MAGI2: variants seen among roughly 807,000 people sequenced by gnomAD.
The protein encoded by MAGI2 is membrane associated guanylate kinase, WW and PDZ domain containing 2.
MAGI2 carries 35 observed loss-of-function variants against 133.3 expected under a neutral mutation model. The observed-to-expected ratio is 0.26, with a 90% CI of 0.20 to 0.35. The LOEUF (loss-of-function observed/expected upper bound fraction) is 0.35. Ranked by LOEUF, MAGI2 falls within the 10% of genes least tolerant of loss-of-function variation. The pLI, the probability that MAGI2 is intolerant of heterozygous loss-of-function variation, is 1.00. For synonymous variants in MAGI2, 729 were observed against 710.6 expected (o/e 1.03, Z -0.41); for missense variants, 1,636 against 1,863.4 (o/e 0.88, Z 2.25).
chr7:78,226,162 T>G (rs1427443984), intron 10 of MAGI2, among the ~76,000 whole-genome samples: 5 of 152,184 alleles, frequency 3.3e-5, no homozygotes, highest in South Asian at 2.1e-4. Flanking sequence ...TTTTATGTCT[T>G]TCTTTGAGCA....
intron 2 of MAGI2, among the ~76,000 whole-genome samples, chr7:78,862,880 A>G (rs1042612077): frequency 3.9e-5 from 6 of 152,246 alleles, no homozygotes; most frequent in African/African-American, 4.8e-5. Context: ...TAAAGAAGTT[A>G]TTTTAATATG....
At chr7:78,620,044 G>T (rs1470925817) in intron 3 of MAGI2, among the ~76,000 whole-genome samples, 3 of 151,872 alleles carry the variant, frequency 2.0e-5, no homozygotes, top group African/African-American at 4.8e-5. Context: ...TGTTATGAAG[G>T]TTATTACTTA....
chr7:78,403,867 G>A (rs1270306374), intron 6 of MAGI2, among the ~76,000 whole-genome samples: 1 of 152,182 alleles, frequency 6.6e-6, no homozygotes, highest in Non-Finnish European at 1.5e-5. Flanking sequence ...AAAAGAGGAA[G>A]TCAAATTGTC....
At chr7:79,112,618 T>C (rs1186352440) in intron 1 of MAGI2, among the ~76,000 whole-genome samples, 3 of 152,226 alleles carry the variant, frequency 2.0e-5, no homozygotes, top group Non-Finnish European at 4.4e-5. Flanking sequence ...TTACCATCTA[T>C]GTCACACAAT....
chr7:78,610,442 A>G (rs1269823627), intron 3 of MAGI2, among the ~76,000 whole-genome samples: 1 of 152,154 alleles, frequency 6.6e-6, no homozygotes, highest in Non-Finnish European at 1.5e-5. Flanking sequence ...CTTTACAGGG[A>G]ACACAGTGGA....
intron 2 of MAGI2, among the ~76,000 whole-genome samples, chr7:78,872,044 T>C (rs1261112661): frequency 6.6e-6 from 1 of 151,958 alleles, no homozygotes; most frequent in Non-Finnish European, 1.5e-5. Context: ...CTTTTTTTTT[T>C]CTTTCAGTTA....
At chr7:79,186,191 AATATATATATATATATATATATAT>A (rs60719172) in intron 1 of MAGI2, among the ~76,000 whole-genome samples, 3,450 of 111,766 alleles carry the variant, frequency 0.031, 102 homozygotes, top group South Asian at 0.042. Flanking sequence ...TGCCTGGGAA[AATATATATATATATATATATATAT>A]ATATATATAT....
At chr7:78,093,820 C>T (rs996204858) in intron 20 of MAGI2, among the ~76,000 whole-genome samples, 8 of 152,068 alleles carry the variant, frequency 5.3e-5, no homozygotes, top group Admixed American at 2.6e-4. Context: ...GAGCTTGTTA[C>T]GGAGTTGTGA....
intron 9 of MAGI2, among the ~76,000 whole-genome samples, chr7:78,262,458 T>A (rs1793605951): frequency 6.6e-6 from 1 of 152,144 alleles, no homozygotes. Flanking sequence ...TCATCTTCCA[T>A]ACCATACACT....
rs372772529 is a variant in MAGI2, at chr7:78,058,626, C to T, written c.3706+20321G>A. Among the ~76,000 whole-genome samples, 622 of 152,196 alleles carry T rather than the reference C, an allele frequency of 4.1e-3. 2 individuals carry two copies. The highest frequency in any genetic ancestry group is 0.014 in the African/African-American group (589 of 41,524). On this transcript the variant is annotated intron_variant, in intron 21 of 21. Coordinates refer to ENST00000354212, the MANE Select transcript of MAGI2 (RefSeq NM_012301.4). ...AGCTGGGACTACAGGCGCCTGCCAC[C>T]ACGCCCAGCTAATTGTAATCCCAAA...
At chr7:79,376,816 T>TTGTGTGTGTGTGTGTGTGTGTGTGTG (rs140364258) in intron 1 of MAGI2, among the ~76,000 whole-genome samples, 1 of 79,874 alleles carries the variant, frequency 1.3e-5, no homozygotes, top group African/African-American at 5.3e-5. Context: ...AAGAGAGGAT[T>TTGTGTGTGTGTGTGTGTGTGTGTGTG]TGTGTGTGTG....
intron 3 of MAGI2, among the ~76,000 whole-genome samples, chr7:78,531,187 T>C (rs1584517214): frequency 6.6e-6 from 1 of 152,106 alleles, no homozygotes; most frequent in African/African-American, 2.4e-5. Flanking sequence ...CCTTTTGCAA[T>C]TGTGTTATTA....
At chr7:78,449,032 G>T (rs577228497) in intron 6 of MAGI2, among the ~76,000 whole-genome samples, 1 of 152,162 alleles carries the variant, frequency 6.6e-6, no homozygotes, top group East Asian at 1.9e-4. Flanking sequence ...TCAATCTGAT[G>T]GTTACTAGGA....
At chr7:78,507,538 AC>A (rs1354673569) in intron 4 of MAGI2, among the ~76,000 whole-genome samples, 4 of 152,052 alleles carry the variant, frequency 2.6e-5, no homozygotes, top group African/African-American at 9.7e-5. Flanking sequence ...CAAATTCAGT[AC>A]TCTCCTAGAC....
intron 6 of MAGI2, among the ~76,000 whole-genome samples, chr7:78,397,606 G>T (rs1461081939): frequency 6.6e-6 from 1 of 152,128 alleles, no homozygotes; most frequent in East Asian, 1.9e-4. Flanking sequence ...GTATGACTTT[G>T]TGAATGTAAT....
intron 1 of MAGI2, among the ~76,000 whole-genome samples, chr7:79,374,329 A>AACAC (rs35379400): frequency 0.022 from 3,250 of 149,762 alleles, 65 homozygotes; most frequent in African/African-American, 0.057. Context: ...CACCCACACA[A>AACAC]ACACACACAC....
At chr7:79,189,312 CAAA>C (rs34814587) in intron 1 of MAGI2, among the ~76,000 whole-genome samples, 8 of 74,298 alleles carry the variant, frequency 1.1e-4, no homozygotes, top group Admixed American at 1.5e-4. Context: ...TTTTTATAGG[CAAA>C]AAAAAAAAAA....
At chr7:78,088,404 AG>A (rs1816850089) in intron 20 of MAGI2, among the ~76,000 whole-genome samples, 1 of 152,138 alleles carries the variant, frequency 6.6e-6, no homozygotes, top group African/African-American at 2.4e-5. Context: ...AGACCTGACA[AG>A]TTAACAGCAT....
At chr7:78,525,647 G>C (rs889134741) in intron 3 of MAGI2, among the ~76,000 whole-genome samples, 3 of 152,144 alleles carry the variant, frequency 2.0e-5, no homozygotes, top group South Asian at 2.1e-4. Flanking sequence ...CAACAATATG[G>C]TGTAATGCTT....
Sources: allele counts gnomAD v4.1 joint callset (sites outside exome capture counted in the v4.1 genomes callset), GRCh38; gene constraint gnomAD v4.1.1; transcripts MANE v1.5; gene names NCBI Gene and HGNC (gene_info 2026-07-23, HGNC 2026-07-21).